Variants in DMBT1 observed in about 807,000 individuals in gnomAD.
DMBT1 encodes scavenger receptor cysteine-rich domain-containing protein DMBT1.
A neutral mutation model predicts 252.9 loss-of-function variants in DMBT1; 198 were observed. The ratio of observed to expected loss-of-function variants is 0.78; its 90% CI spans 0.70 to 0.88. The LOEUF is 0.88. Among genes scored for constraint, DMBT1 ranks in the 40% least tolerant of loss-of-function variants. The probability of loss-of-function intolerance (pLI) is 0.00; values close to 1 mark genes in which losing one functional copy is unlikely to be tolerated. For missense variants in DMBT1, 2,432 were observed against 2,404.7 expected, an observed-to-expected ratio of 1.01 and a Z score of -0.24; for synonymous variants, 990 against 942.7, an observed-to-expected ratio of 1.05 and a Z score of -0.92.
At chr10:122,577,564 C>A (rs1272276731) in intron 7 of DMBT1, among the ~76,000 whole-genome samples, 1 of 152,110 alleles carries the variant, frequency 6.6e-6, no homozygotes, top group East Asian at 1.9e-4. Context: ...GTTGTTGTGG[C>A]CGGTCCCAGG....
At position 122,621,362 on chromosome 10, in the gene DMBT1, G is replaced by A. The variant is rs570304514; in HGVS notation, c.5590G>A (p.Ala1864Thr). The change falls in exon 44 of 56, where the codon GCT becomes ACT. Residue 1864 changes from alanine (A) to threonine (T), a missense_variant. Coordinates refer to ENST00000338354, the MANE Select transcript of DMBT1 (RefSeq NM_001377530.1). ...CCACAACTGTGGCCATCACGAAGAC[G>A]CTGGTGTCATCTGCTCAGGTGGGCC... The part of the protein sequence containing the change: ...LTHNCGHHED[A>T]GVICSATQIN... The A allele has an allele frequency of 1.1e-5, 18 of 1,613,864 alleles. No individual in the cohort carries two copies. The highest frequency in any genetic ancestry group is 1.7e-4 in the Middle Eastern group (1 of 6,056).
intron 10 of DMBT1, among the ~76,000 whole-genome samples, 172 bp from the exon 11 acceptor site, chr10:122,580,694 A>G (rs1272298909): frequency 6.6e-6 from 1 of 151,408 alleles, no homozygotes; most frequent in Non-Finnish European, 1.5e-5. Flanking sequence ...ATCTGCCTCG[A>G]CCCCTTACAC....
chr10:122,634,429 C>T lies in DMBT1; in HGVS notation c.6548+1088C>T, dbSNP rs1293579168. 1.4e-3 allele frequency among the ~76,000 whole-genome samples: 77 copies of T among 54,812 alleles called. 3 individuals are homozygous for T. Among genetic ancestry groups the T allele is most frequent in the African/African-American group, 6.2e-3 (72 of 11,706 alleles). 36.0% of individuals were successfully genotyped at this position (54,812 alleles called of 152,430 possible). On this transcript the variant is annotated intron_variant, in intron 52 of 55. Transcript: ENST00000338354. The stretch of plus-strand genomic sequence containing the variant: ...TCTTTCTTTCTCTCTCTCTCTCTCT[C>T]TTCTCTCTCTCTCTCTCTCTCTCTC...
chr10:122,630,747 C>T (rs533731761), intron 48 of DMBT1, among the ~76,000 whole-genome samples: 9 of 152,294 alleles, frequency 5.9e-5, no homozygotes, highest in South Asian at 4.1e-4. Flanking sequence ...CACCCCTCTC[C>T]GTCTGGAGGT....
rs116317899 is a variant in DMBT1 at position 122,587,326 on chromosome 10, A to G, written c.1783+943A>G. ...AATAAGGAGGCATCAGACCGGAAACACAAGGCTGGGAGTGGAGATTCGTGA... is the reference window on the plus strand; with the variant it reads ...AATAAGGAGGCATCAGACCGGAAACGCAAGGCTGGGAGTGGAGATTCGTGA... On this transcript the variant is annotated intron_variant, in intron 16 of 55. Coordinates refer to ENST00000338354, the MANE Select transcript of DMBT1 (RefSeq NM_001377530.1). 6.3e-4 allele frequency among the ~76,000 whole-genome samples: 93 copies of G among 148,650 alleles called. 1 individual carries two copies. Among genetic ancestry groups the G allele is most frequent in the African/African-American group, 1.9e-3 (79 of 41,236 alleles).
chr10:122,625,596 A>G (rs1288698960), intron 45 of DMBT1, among the ~76,000 whole-genome samples: 1 of 152,260 alleles, frequency 6.6e-6, no homozygotes, highest in Non-Finnish European at 1.5e-5. Context: ...GATGAAAATA[A>G]CTGTCTAAAT....
chr10:122,593,310 A>G (rs1416051815), intron 20 of DMBT1, among the ~76,000 whole-genome samples: 1 of 148,146 alleles, frequency 6.8e-6, no homozygotes, highest in Non-Finnish European at 1.5e-5. Flanking sequence ...TGTGCAAGGG[A>G]GTGGGTTGGT....
intron 20 of DMBT1, 130 bp from the exon 21 acceptor site, chr10:122,593,439 G>A (rs1468366878): frequency 2.7e-6 from 3 of 1,129,258 alleles, no homozygotes; most frequent in Non-Finnish European, 4.0e-6. Flanking sequence ...GCATGGCAAT[G>A]TCCCTCCCTG....
At chr10:122,617,959 C>A in intron 40 of DMBT1, 58 bp from the exon 41 acceptor site, 2 of 1,603,674 alleles carry the variant, frequency 1.2e-6, no homozygotes, top group Non-Finnish European at 1.7e-6. Context: ...GTGGAACTTG[C>A]CTTAGATTGT....
intron 52 of DMBT1, 110 bp downstream of exon 52, chr10:122,633,451 T>C: frequency 6.6e-7 from 1 of 1,510,544 alleles, no homozygotes. Context: ...CACAGACCTT[T>C]CAAGAGGGAA....
rs772174631 is a variant in DMBT1, at chr10:122,573,712, C to A, written c.236-3C>A. On this transcript the variant is annotated splice_region_variant and splice_polypyrimidine_tract_variant and intron_variant, in intron 5 of 55. Transcript: ENST00000338354. Reference sequence around the variant, plus strand: ...ATGAGCTCTTCCTTTCTCCACCCTGCAGGTTCTCTGATTCCCTCAGAGTCA... The same window carrying A: ...ATGAGCTCTTCCTTTCTCCACCCTGAAGGTTCTCTGATTCCCTCAGAGTCA... The A allele has an allele frequency of 6.2e-7, 1 of 1,613,890 alleles. No homozygotes were observed. Among genetic ancestry groups the A allele is most frequent in the South Asian group, 1.1e-5 (1 of 91,076 alleles).
In DMBT1 at chr10:122,589,194, G is replaced by C. The variant is rs1432837333; in HGVS notation, c.2034G>C (p.Leu678=). The C allele has an allele frequency of 6.3e-7, 1 of 1,588,358 alleles. No homozygotes were observed. Among genetic ancestry groups the C allele is most frequent in the African/African-American group, 1.3e-5 (1 of 74,532 alleles). Reference sequence around the variant, plus strand: ...GCTGCTCAGGACATGAGTCCTACCTGTGGAGCTGCCCCAACAATGGCTGGC... The same window carrying C: ...GCTGCTCAGGACATGAGTCCTACCTCTGGAGCTGCCCCAACAATGGCTGGC... The part of the protein sequence containing the change: ...DVRCSGHESY[L]WSCPNNGWLS... The change falls in exon 17 of 56, where the codon CTG becomes CTC. Residue 678 remains leucine (L), a synonymous_variant. Coordinates refer to ENST00000338354, the MANE Select transcript of DMBT1 (RefSeq NM_001377530.1).
intron 52 of DMBT1, among the ~76,000 whole-genome samples, chr10:122,635,342 G>A (rs1423937485): frequency 6.6e-6 from 1 of 152,038 alleles, no homozygotes; most frequent in Non-Finnish European, 1.5e-5. Context: ...TTCTGTGGGG[G>A]CACTAGGGAC....
intron 52 of DMBT1, 65 bp from the exon 53 acceptor site, chr10:122,635,926 G>T: frequency 6.4e-7 from 1 of 1,569,622 alleles, no homozygotes. Context: ...CCCACCCTGA[G>T]ATCTGACCCC....
chr10:122,601,116 C>CT (rs2097951595), intron 28 of DMBT1, 93 bp downstream of exon 28: 1 of 511,790 alleles, frequency 2.0e-6, no homozygotes, highest in Non-Finnish European at 3.3e-6. Flanking sequence ...GTGGGCCCCT[C>CT]TTTTTTCACT....
intron 48 of DMBT1, 60 bp downstream of exon 48, chr10:122,630,550 G>T (rs2098154558): frequency 1.3e-6 from 2 of 1,545,860 alleles, no homozygotes; most frequent in Non-Finnish European, 1.8e-6. Flanking sequence ...TGCCTCTTTG[G>T]GGGCACCATG....
At chr10:122,617,932 T>G in intron 40 of DMBT1, 85 bp from the exon 41 acceptor site, 1 of 1,582,064 alleles carries the variant, frequency 6.3e-7, no homozygotes, top group South Asian at 1.2e-5. Context: ...CTCTGGCCAT[T>G]AGGAAGTACC....
chr10:122,568,785 T>A (rs3019528), intron 2 of DMBT1, among the ~76,000 whole-genome samples: 102,000 of 152,106 alleles, frequency 0.67, 34,565 homozygotes, highest in East Asian at 0.77. Context: ...AGGGCTTGGG[T>A]AACATTCCCT....
At chr10:122,565,379 T>G (rs3019513) in intron 1 of DMBT1, among the ~76,000 whole-genome samples, 101,873 of 151,942 alleles carry the variant, frequency 0.67, 34,509 homozygotes, top group East Asian at 0.77. Context: ...TAAAAGTTGT[T>G]AAATATCAAC....
Sources: allele counts gnomAD v4.1 joint callset (sites outside exome capture counted in the v4.1 genomes callset), GRCh38; gene constraint gnomAD v4.1.1; transcripts MANE v1.5; gene names NCBI Gene and HGNC (gene_info 2026-07-23, HGNC 2026-07-21).